NDST4: variants seen among roughly 807,000 people sequenced by gnomAD.
NDST4 encodes the protein N-deacetylase and N-sulfotransferase 4, also known as N-heparan sulfate sulfotransferase 4.
NDST4 carries 63 observed loss-of-function variants against 100.8 expected under a neutral mutation model. The ratio of observed to expected loss-of-function variants is 0.62; its 90% CI spans 0.51 to 0.77. The LOEUF (loss-of-function observed/expected upper bound fraction) is 0.77. Ranked by LOEUF, NDST4 falls within the 30% of genes least tolerant of loss-of-function variation. NDST4 has a pLI of 0.00. For synonymous variants in NDST4, 377 were observed against 361.8 expected, an observed-to-expected ratio of 1.04 and a Z score of -0.48; for missense variants, 943 against 1,018.4, an observed-to-expected ratio of 0.93 and a Z score of 1.01.
intron 1 of NDST4, among the ~76,000 whole-genome samples, chr4:115,084,141 C>A (rs903682343): frequency 2.0e-5 from 3 of 152,148 alleles, no homozygotes; most frequent in Non-Finnish European, 4.4e-5. Flanking sequence ...GAAGTCCAGG[C>A]TGAGGTGATC....
intron 9 of NDST4, among the ~76,000 whole-genome samples, chr4:114,847,980 A>G (rs1279079772): frequency 2.0e-5 from 3 of 152,200 alleles, no homozygotes; most frequent in African/African-American, 4.8e-5. Context: ...AATATATCCC[A>G]TAATGTTTTT....
At chr4:115,037,595 A>G (rs943508941) in intron 2 of NDST4, among the ~76,000 whole-genome samples, 1 of 152,110 alleles carries the variant, frequency 6.6e-6, no homozygotes, top group Non-Finnish European at 1.5e-5. Flanking sequence ...ATTCTCTGTG[A>G]TCAAGGACTT....
chr4:114,870,853 T>C lies in NDST4; in HGVS notation c.1634A>G (p.Asn545Ser). The C allele has an allele frequency of 6.2e-7, 1 of 1,613,100 alleles. No homozygotes were observed. The highest frequency in any genetic ancestry group is 8.5e-7 in the Non-Finnish European group (1 of 1,179,370). Residue 545 changes from asparagine (N) to serine (S), a missense_variant, in exon 7 of 14, where the codon AAC (asparagine) becomes AGC (serine). Physicochemically the swap from Asn to Ser is conservative, Grantham distance 46. Transcript: ENST00000264363. ...NLVNFVQSWT[N>S]LKLQTLPPVQ... is the part of the protein sequence containing the mutation. Reference sequence around the variant, plus strand: ...TGGAGGCAGAGTTTGCAATTTCAGGTTGGTCCAGCTCTGCACAAAGTTGAC... The same window carrying C: ...TGGAGGCAGAGTTTGCAATTTCAGGCTGGTCCAGCTCTGCACAAAGTTGAC...
chr4:115,022,657 C>T (rs1321734138), intron 2 of NDST4, among the ~76,000 whole-genome samples: 2 of 151,990 alleles, frequency 1.3e-5, no homozygotes, highest in Non-Finnish European at 2.9e-5. Flanking sequence ...GGCTATGTCC[C>T]CACCCGAATC....
chr4:114,986,832 A>ATATATATATATATTTTTTTTTTTTT, intron 2 of NDST4, among the ~76,000 whole-genome samples: 1 of 94,664 alleles, frequency 1.1e-5, no homozygotes. Flanking sequence ...ATATATATAT[A>ATATATATATATATTTTTTTTTTTTT]TTTTAATATA....
At chr4:114,918,611 C>G (rs1578388198) in intron 6 of NDST4, among the ~76,000 whole-genome samples, 1 of 151,752 alleles carries the variant, frequency 6.6e-6, no homozygotes, top group African/African-American at 2.4e-5. Context: ...GAACAAGTTC[C>G]TGTTGTCATT....
chr4:114,828,259 A>T (rs1481007125), intron 13 of NDST4, among the ~76,000 whole-genome samples: 2 of 152,144 alleles, frequency 1.3e-5, no homozygotes, highest in African/African-American at 4.8e-5. Context: ...TGAGATAGGG[A>T]CTGCATGAGG....
chr4:114,933,593 A>T (rs1046559197), intron 6 of NDST4, among the ~76,000 whole-genome samples: 1 of 151,992 alleles, frequency 6.6e-6, no homozygotes, highest in Non-Finnish European at 1.5e-5. Context: ...GAAAATATTT[A>T]AAACCATATA....
intron 1 of NDST4, among the ~76,000 whole-genome samples, chr4:115,101,959 A>G (rs1729738932): frequency 6.6e-6 from 1 of 152,090 alleles, no homozygotes; most frequent in Admixed American, 6.6e-5. Flanking sequence ...TTTTGAGGAG[A>G]AAAGAGAGAT....
intron 2 of NDST4, among the ~76,000 whole-genome samples, chr4:115,056,012 G>A (rs754674621): frequency 3.9e-5 from 6 of 152,024 alleles, no homozygotes; most frequent in Non-Finnish European, 7.4e-5. Context: ...ATACTAATAA[G>A]GGCATTACTG....
At chr4:114,836,430 G>T (rs1723306447) in intron 11 of NDST4, among the ~76,000 whole-genome samples, 1 of 152,096 alleles carries the variant, frequency 6.6e-6, no homozygotes, top group Non-Finnish European at 1.5e-5. Context: ...TTCTTTAAGG[G>T]TGTTTAATAT....
At chr4:115,026,430 TAC>T (rs57524504) in intron 2 of NDST4, among the ~76,000 whole-genome samples, 20,186 of 147,806 alleles carry the variant, frequency 0.14, 3,793 homozygotes, top group African/African-American at 0.43. Context: ...TTTTTTAAAG[TAC>T]ACACACACAC....
At chr4:115,021,362 A>T (rs1297245215) in intron 2 of NDST4, among the ~76,000 whole-genome samples, 1 of 147,372 alleles carries the variant, frequency 6.8e-6, no homozygotes, top group Non-Finnish European at 1.5e-5. Flanking sequence ...TATTCCATAT[A>T]TACATTCCAT....
At chr4:114,914,435 A>AAT (rs1367845418) in intron 6 of NDST4, among the ~76,000 whole-genome samples, 1 of 152,118 alleles carries the variant, frequency 6.6e-6, no homozygotes, top group Non-Finnish European at 1.5e-5. Context: ...ACATCCCATA[A>AAT]ATATATATAC....
At chr4:115,060,224 G>T (rs77354006) in intron 2 of NDST4, among the ~76,000 whole-genome samples, 1 of 152,010 alleles carries the variant, frequency 6.6e-6, no homozygotes, top group East Asian at 1.9e-4. Flanking sequence ...TTCTTCATTT[G>T]TGCAGCCTAA....
chr4:115,090,960 C>T (rs1729508086), intron 1 of NDST4, among the ~76,000 whole-genome samples: 1 of 152,026 alleles, frequency 6.6e-6, no homozygotes, highest in African/African-American at 2.4e-5. Flanking sequence ...TGTATGGTTC[C>T]CTGCTTCTGA....
At chr4:115,078,663 A>G (rs1729239769) in intron 1 of NDST4, among the ~76,000 whole-genome samples, 1 of 151,960 alleles carries the variant, frequency 6.6e-6, no homozygotes, top group African/African-American at 2.4e-5. Context: ...GGATAGTGAA[A>G]CCCTGTCTCT....
At chr4:114,974,392 T>C (rs1388336706) in intron 3 of NDST4, among the ~76,000 whole-genome samples, 1 of 152,138 alleles carries the variant, frequency 6.6e-6, no homozygotes, top group Non-Finnish European at 1.5e-5. Context: ...TAATCTCTCA[T>C]GGAAAAGACC....
chr4:115,034,911 CCTAT>C (rs1728199509), intron 2 of NDST4, among the ~76,000 whole-genome samples: 2 of 152,244 alleles, frequency 1.3e-5, no homozygotes, highest in South Asian at 4.1e-4. Context: ...TGAAACTCTT[CCTAT>C]CTATCCTCCT....
Sources: gnomAD v4.1 joint callset for allele counts (sites outside exome capture counted in the v4.1 genomes callset) on GRCh38, gnomAD v4.1.1 for gene constraint, MANE v1.5 for transcripts, NCBI Gene and HGNC (gene_info 2026-07-23, HGNC 2026-07-21) for gene names.